Variants in CCSER1 observed in about 807,000 individuals in gnomAD.
The protein encoded by CCSER1 is coiled-coil serine rich protein 1, also known as serine-rich coiled-coil domain-containing protein 1.
CCSER1 carries 41 observed loss-of-function variants against 82.0 expected under a neutral mutation model. The ratio of observed to expected loss-of-function variants is 0.50; its 90% CI spans 0.39 to 0.65. CCSER1 has a LOEUF of 0.65. Among genes scored for constraint, CCSER1 ranks in the 30% least tolerant of loss-of-function variants. The pLI is 0.00. For synonymous variants in CCSER1, 414 were observed against 383.9 expected, an observed-to-expected ratio of 1.08 and a Z score of -0.92; for missense variants, 1,119 against 1,064.2, an observed-to-expected ratio of 1.05 and a Z score of -0.72.
intron 10 of CCSER1, among the ~76,000 whole-genome samples, chr4:91,497,355 A>G (rs1213450399): frequency 1.3e-5 from 2 of 151,766 alleles, no homozygotes; most frequent in South Asian, 2.1e-4. Flanking sequence ...ACATTTCTAA[A>G]AAAAATACTG....
chr4:91,547,638 G>A (rs777362237), intron 10 of CCSER1, among the ~76,000 whole-genome samples: 65 of 152,082 alleles, frequency 4.3e-4, no homozygotes, highest in Admixed American at 1.6e-3. Context: ...CTGACAATCT[G>A]TCTTATAATT....
At position 91,169,561 on chromosome 4, in the gene CCSER1, C is replaced by T. The variant is rs374998527; in HGVS notation, c.2217+83567C>T. 3.0e-3 allele frequency among the ~76,000 whole-genome samples: 455 copies of T among 152,202 alleles called. 1 individual carries two copies. The highest frequency in any genetic ancestry group is 0.01 in the African/African-American group (429 of 41,514). ...GCTTGAACCCAGGATGCAGACATTG[C>T]AGTTAGTTGAGATCACACCACTGCA... On this transcript the variant is annotated intron_variant, in intron 10 of 10. Coordinates refer to ENST00000509176, the MANE Select transcript of CCSER1 (RefSeq NM_001145065.2).
Position 91,182,138 on chromosome 4 carries a change from G to T in CCSER1, c.2217+96144G>T, listed in dbSNP as rs191277656. 4.7e-3 allele frequency among the ~76,000 whole-genome samples: 722 copies of T among 152,238 alleles called. 6 individuals are homozygous for T. The highest frequency in any genetic ancestry group is 0.016 in the African/African-American group (676 of 41,536). On this transcript the variant is annotated intron_variant, in intron 10 of 10. Transcript: ENST00000509176. ...CGATGGGTGTTGCTCATGACAGTTGGGGTCCTCCTCAGTGTCAGTCTCAAC... is the reference window on the plus strand; with the variant it reads ...CGATGGGTGTTGCTCATGACAGTTGTGGTCCTCCTCAGTGTCAGTCTCAAC...
chr4:90,905,662 C>T (rs993186151), intron 8 of CCSER1, among the ~76,000 whole-genome samples: 5 of 152,078 alleles, frequency 3.3e-5, no homozygotes, highest in East Asian at 1.9e-4. Context: ...ATCTCTCCTT[C>T]GAAGTAGAAG....
intron 4 of CCSER1, among the ~76,000 whole-genome samples, chr4:90,427,439 A>C (rs1200278630): frequency 6.6e-6 from 1 of 151,292 alleles, no homozygotes; most frequent in African/African-American, 2.4e-5. Flanking sequence ...ATATGTTTTT[A>C]AAAAATTAAT....
At position 90,628,034 on chromosome 4, in the gene CCSER1, C is replaced by G; in HGVS notation, c.1734C>G (p.Ser578=). The change falls in exon 6 of 11, where the codon TCC becomes TCG. Residue 578 remains serine, a synonymous_variant. Coordinates refer to ENST00000509176, the MANE Select transcript of CCSER1 (RefSeq NM_001145065.2). Reference sequence around the variant, plus strand: ...TTTTTTTTCTTGTTAGGAATCTTTCCCTGAAATTAACAAAGGACGTTGATC... The same window carrying G: ...TTTTTTTTCTTGTTAGGAATCTTTCGCTGAAATTAACAAAGGACGTTGATC... ...EFPEPSKQNL[S]LKLTKDVDQE... 1.2e-6 allele frequency: 2 copies of G among 1,613,062 alleles called. No individual in the cohort carries two copies. The highest frequency in any genetic ancestry group is 8.5e-7 in the Non-Finnish European group (1 of 1,179,502).
intron 7 of CCSER1, among the ~76,000 whole-genome samples, chr4:90,749,630 G>C (rs139291306): frequency 0.16 from 23,708 of 152,022 alleles, 2,961 homozygotes; most frequent in African/African-American, 0.34. Flanking sequence ...ACCTTGGGCA[G>C]TATGGCCATT....
chr4:91,066,775 A>G (rs1720857993), intron 9 of CCSER1, among the ~76,000 whole-genome samples: 1 of 152,166 alleles, frequency 6.6e-6, no homozygotes, highest in Non-Finnish European at 1.5e-5. Context: ...TTTCCATGCT[A>G]ACATTCTATG....
intron 3 of CCSER1, among the ~76,000 whole-genome samples, chr4:90,365,649 CT>C (rs1746158622): frequency 1.3e-5 from 2 of 151,896 alleles, no homozygotes; most frequent in South Asian, 4.1e-4. Flanking sequence ...CCTTTGAATA[CT>C]TACTATTTTG....
chr4:90,184,269 A>G (rs1333488782), intron 1 of CCSER1, among the ~76,000 whole-genome samples: 3 of 152,164 alleles, frequency 2.0e-5, no homozygotes, highest in Non-Finnish European at 4.4e-5. Flanking sequence ...TTGAAGCAAA[A>G]CACAGTACTG....
intron 9 of CCSER1, among the ~76,000 whole-genome samples, chr4:91,042,301 T>C (rs1742028345): frequency 6.6e-6 from 1 of 152,150 alleles, no homozygotes; most frequent in African/African-American, 2.4e-5. Context: ...TGCTGCCTTG[T>C]GAAGGAGGTG....
intron 10 of CCSER1, among the ~76,000 whole-genome samples, chr4:91,181,007 A>G (rs1733971300): frequency 6.6e-6 from 1 of 152,260 alleles, no homozygotes; most frequent in Admixed American, 6.5e-5. Flanking sequence ...TTGTGGCTTA[A>G]GAATGACTTT....
intron 8 of CCSER1, among the ~76,000 whole-genome samples, chr4:90,900,057 C>A (rs1472052198): frequency 2.1e-5 from 3 of 140,838 alleles, no homozygotes. Flanking sequence ...CTTTGCCTAT[C>A]TGATAGAATT....
At chr4:91,002,206 A>G (rs1460684209) in intron 9 of CCSER1, among the ~76,000 whole-genome samples, 1 of 152,172 alleles carries the variant, frequency 6.6e-6, no homozygotes, top group Non-Finnish European at 1.5e-5. Context: ...CCTTGACTTT[A>G]GATAACCTGA....
chr4:91,081,177 G>A (rs148739051), intron 9 of CCSER1, among the ~76,000 whole-genome samples: 528 of 152,160 alleles, frequency 3.5e-3, no homozygotes, highest in Non-Finnish European at 4.7e-3. Context: ...CTGGAAAACC[G>A]AATTAGGCAG....
chr4:90,788,852 A>G (rs1430798834), intron 7 of CCSER1, among the ~76,000 whole-genome samples: 1 of 152,204 alleles, frequency 6.6e-6, no homozygotes, highest in African/African-American at 2.4e-5. Flanking sequence ...CTTGGTTTAC[A>G]GATAGTTCTC....
At position 91,105,591 on chromosome 4, in the gene CCSER1, C is replaced by A. The variant is rs542803943; in HGVS notation, c.2217+19597C>A. 1.5e-3 allele frequency among the ~76,000 whole-genome samples: 230 copies of A among 152,130 alleles called. 1 individual carries two copies. The highest frequency in any genetic ancestry group is 5.0e-3 in the Admixed American group (77 of 15,282). ...TGGTGGTGGATGCCTATAGTCCCAG[C>A]TACTCAGGAGGCAGAGGCAGGGGAA... On this transcript the variant is annotated intron_variant, in intron 10 of 10. Transcript: ENST00000509176.
Position 90,613,187 on chromosome 4 carries a change from G to GA in CCSER1, c.1725-14830dup, listed in dbSNP as rs891540991. Reference sequence around the variant, plus strand: ...ACTTTTGCTCACTTCATGAAAAAAAGAAAAAAAACTGGTTATTGGAAGGAT... The same window carrying GA: ...ACTTTTGCTCACTTCATGAAAAAAAGAAAAAAAAACTGGTTATTGGAAGGAT... On this transcript the variant is annotated intron_variant, in intron 5 of 10. Transcript: ENST00000509176. 1.8e-3 allele frequency among the ~76,000 whole-genome samples: 272 copies of GA among 151,372 alleles called. 2 individuals are homozygous for GA. Among genetic ancestry groups the GA allele is most frequent in the South Asian group, 4.2e-4 (2 of 4,794 alleles).
chr4:90,178,667 A>G (rs565364765), intron 1 of CCSER1, among the ~76,000 whole-genome samples: 3 of 152,154 alleles, frequency 2.0e-5, no homozygotes, highest in Admixed American at 6.6e-5. Flanking sequence ...GATAAACCAT[A>G]CCACATGAAT....
Sources: allele counts gnomAD v4.1 joint callset (sites outside exome capture counted in the v4.1 genomes callset), GRCh38; gene constraint gnomAD v4.1.1; transcripts MANE v1.5; gene names NCBI Gene and HGNC (gene_info 2026-07-23, HGNC 2026-07-21).